The following EPHA5 variants were observed in gnomAD, a reference collection of about 807,000 sequenced individuals.
EPHA5 encodes EPH receptor A5.
A neutral mutation model predicts 105.0 loss-of-function variants in EPHA5; 60 were observed. That is an observed-to-expected ratio of 0.57 (90% CI 0.46 to 0.71). The LOEUF (loss-of-function observed/expected upper bound fraction) is 0.71, where lower values mean the gene tolerates loss of function less well. Among genes scored for constraint, EPHA5 ranks in the 30% least tolerant of loss-of-function variants. The pLI is 0.00. For missense variants in EPHA5, 1,218 were observed against 1,274.7 expected (o/e 0.96, Z 0.68); for synonymous variants, 513 against 449.1 (o/e 1.14, Z -1.80).
At chr4:65,594,305 A>G (rs530011268) in intron 3 of EPHA5, among the ~76,000 whole-genome samples, 1 of 152,310 alleles carries the variant, frequency 6.6e-6, no homozygotes, top group South Asian at 2.1e-4. Flanking sequence ...TTACACAAAT[A>G]TGAGACATTT....
intron 5 of EPHA5, among the ~76,000 whole-genome samples, chr4:65,428,026 A>C (rs1724614135): frequency 6.6e-6 from 1 of 152,128 alleles, no homozygotes; most frequent in African/African-American, 2.4e-5. Context: ...TACACACATC[A>C]CATAGACATA....
intron 3 of EPHA5, among the ~76,000 whole-genome samples, chr4:65,567,257 T>C (rs1253443932): frequency 6.6e-6 from 1 of 151,652 alleles, no homozygotes; most frequent in African/African-American, 2.4e-5. Context: ...CTTCCAAAAA[T>C]GAACTTCTTA....
intron 1 of EPHA5, among the ~76,000 whole-genome samples, chr4:65,664,570 C>T (rs1198796596): frequency 6.6e-6 from 1 of 151,692 alleles, no homozygotes; most frequent in Non-Finnish European, 1.5e-5. Context: ...GTTAACTATC[C>T]CATTAGGTAT....
Position 65,669,405 on chromosome 4 carries a change from C to G in EPHA5, c.181+157G>C, listed in dbSNP as rs1020197949. ...TGCAACCAAAAACCGCAGAGGGGAG[C>G]GAAAAGGCCAGTGGAAGGGGACGAC... On this transcript the variant is annotated intron_variant, in intron 1 of 16. Transcript: ENST00000613740. 7.1e-6 allele frequency: 7 copies of G among 985,188 alleles called. No homozygotes were observed. The African/African-American group carries it at 8.7e-5, about 12-fold the overall frequency. The allele number at this position is 985,188 out of a possible 1,614,324, so 61.0% of individuals were successfully genotyped here. A position where few individuals can be genotyped will look rare whatever the true frequency, so the allele number is the denominator to read the frequency against.
At chr4:65,529,556 C>T (rs550907242) in intron 3 of EPHA5, among the ~76,000 whole-genome samples, 55 of 152,006 alleles carry the variant, frequency 3.6e-4, no homozygotes, top group Non-Finnish European at 5.2e-4. Flanking sequence ...GACAGAAAGA[C>T]GGTAAAAACC....
intron 11 of EPHA5, among the ~76,000 whole-genome samples, chr4:65,358,743 A>G (rs1723544227): frequency 6.6e-6 from 1 of 151,590 alleles, no homozygotes; most frequent in Non-Finnish European, 1.5e-5. Flanking sequence ...GTAAAATTAT[A>G]TAATTTCAGA....
intron 5 of EPHA5, among the ~76,000 whole-genome samples, chr4:65,436,882 A>G (rs966722522): frequency 2.0e-5 from 3 of 151,864 alleles, no homozygotes; most frequent in South Asian, 2.1e-4. Context: ...TTTGATTGTT[A>G]TTTTTATGCC....
intron 14 of EPHA5, among the ~76,000 whole-genome samples, chr4:65,346,638 T>G (rs1240421344): frequency 6.6e-6 from 1 of 152,068 alleles, no homozygotes; most frequent in Non-Finnish European, 1.5e-5. Flanking sequence ...TGGGATCTAA[T>G]TAAACTAAAG....
chr4:65,583,444 T>G (rs573310885), intron 3 of EPHA5, among the ~76,000 whole-genome samples: 1 of 151,966 alleles, frequency 6.6e-6, no homozygotes, highest in South Asian at 2.1e-4. Context: ...GGAATGGCAT[T>G]TTCTGAATAT....
At chr4:65,646,162 C>T (rs1449072270) in intron 1 of EPHA5, among the ~76,000 whole-genome samples, 1 of 152,114 alleles carries the variant, frequency 6.6e-6, no homozygotes, top group Non-Finnish European at 1.5e-5. Flanking sequence ...TTCTTCAGGA[C>T]ACTATTCTGA....
At chr4:65,638,992 A>C (rs1442370793) in intron 2 of EPHA5, among the ~76,000 whole-genome samples, 1 of 152,266 alleles carries the variant, frequency 6.6e-6, no homozygotes, top group Non-Finnish European at 1.5e-5. Context: ...AGCCATATCT[A>C]TGAAAGCATA....
Position 65,321,848 on chromosome 4 carries a change from C to T in EPHA5, c.*2266G>A, listed in dbSNP as rs539677637. 1 of 226,614 alleles carries T rather than the reference C, an allele frequency of 4.4e-6. No homozygotes were observed. Among genetic ancestry groups the T allele is most frequent in the Admixed American group, 5.7e-5 (1 of 17,440 alleles). The allele number at this position is 226,614 out of a possible 1,614,324, so 14.0% of individuals were successfully genotyped here. A position where few individuals can be genotyped will look rare whatever the true frequency, so the allele number is the denominator to read the frequency against. On this transcript the variant is annotated 3_prime_UTR_variant, in exon 17 of 17. Transcript: ENST00000613740. ...TAAGCAATTGTGGCAAGTTCATCAG[C>T]CCTAAAGCATATGGTAATTTTCCTT...
chr4:65,630,069 T>A (rs989919451), intron 2 of EPHA5, among the ~76,000 whole-genome samples: 52 of 58,450 alleles, frequency 8.9e-4, no homozygotes, highest in South Asian at 1.5e-3. Context: ...ACACACACAC[T>A]CTCTCTCTCT....
chr4:65,509,755 C>T (rs1329041672), intron 3 of EPHA5, among the ~76,000 whole-genome samples: 2 of 152,212 alleles, frequency 1.3e-5, no homozygotes, highest in African/African-American at 2.4e-5. Context: ...TCACTAGGGT[C>T]ATTCAGTGAG....
rs146174657 is a variant in EPHA5 at position 65,330,158 on chromosome 4, T to C, written c.2945+1815A>G. On this transcript the variant is annotated intron_variant, in intron 16 of 16. Coordinates refer to ENST00000613740, the MANE Select transcript of EPHA5 (RefSeq NM_001281766.3). Reference sequence around the variant, plus strand: ...GGGAAAATGCTGGTAAGTCTCCCAATGTAACTTTACTCTTCTGGTCAGAGT... The same window carrying C: ...GGGAAAATGCTGGTAAGTCTCCCAACGTAACTTTACTCTTCTGGTCAGAGT... 4.0e-5 allele frequency among the ~76,000 whole-genome samples: 6 copies of C among 151,468 alleles called. 1 individual carries two copies. Among genetic ancestry groups the C allele is most frequent in the African/African-American group, 1.4e-4 (6 of 41,444 alleles).
intron 3 of EPHA5, among the ~76,000 whole-genome samples, chr4:65,536,696 A>G (rs1295157388): frequency 6.6e-6 from 1 of 151,640 alleles, no homozygotes; most frequent in Non-Finnish European, 1.5e-5. Flanking sequence ...TTTAATCCAC[A>G]CAAAATGAGA....
intron 2 of EPHA5, among the ~76,000 whole-genome samples, chr4:65,622,651 A>G (rs1482888600): frequency 6.6e-6 from 1 of 152,084 alleles, no homozygotes; most frequent in African/African-American, 2.4e-5. Context: ...ATTTTTAATG[A>G]TGTGGTAGTG....
chr4:65,496,275 A>T (rs1009378705), intron 3 of EPHA5, among the ~76,000 whole-genome samples: 14 of 151,606 alleles, frequency 9.2e-5, no homozygotes, highest in East Asian at 1.9e-4. Context: ...CATGTGCACA[A>T]TGTGCAGGTT....
intron 8 of EPHA5, among the ~76,000 whole-genome samples, chr4:65,391,846 A>G (rs1419613554): frequency 6.6e-6 from 1 of 152,170 alleles, no homozygotes; most frequent in Non-Finnish European, 1.5e-5. Flanking sequence ...ACTAGGTGAA[A>G]TCTAAGTCAT....
Sources: allele counts gnomAD v4.1 joint callset (sites outside exome capture counted in the v4.1 genomes callset), GRCh38; gene constraint gnomAD v4.1.1; transcripts MANE v1.5; gene names NCBI Gene and HGNC (gene_info 2026-07-23, HGNC 2026-07-21).